FUT9: variants seen among roughly 807,000 people sequenced by gnomAD.
FUT9 encodes fucosyltransferase 9.
FUT9 carries 15 observed loss-of-function variants against 29.7 expected under a neutral mutation model. That is an observed-to-expected ratio of 0.51 (90% CI 0.34 to 0.78). FUT9 has a LOEUF of 0.78. FUT9 is among the 30% of genes least tolerant of loss of function. The pLI is 0.01. For synonymous variants in FUT9, 169 were observed against 153.7 expected, an observed-to-expected ratio of 1.10 and a Z score of -0.74; for missense variants, 319 against 425.4, an observed-to-expected ratio of 0.75 and a Z score of 2.20.
intron 2 of FUT9, among the ~76,000 whole-genome samples, chr6:96,124,108 T>G (rs1441136257): frequency 6.6e-6 from 1 of 152,020 alleles, no homozygotes; most frequent in Non-Finnish European, 1.5e-5. Context: ...TGTCTGCTTA[T>G]TAAACATTTT....
At chr6:96,108,720 C>T (rs1204477871) in intron 1 of FUT9, among the ~76,000 whole-genome samples, 1 of 152,104 alleles carries the variant, frequency 6.6e-6, no homozygotes, top group Non-Finnish European at 1.5e-5. Flanking sequence ...TGCTGAAGTG[C>T]CTTGTCGTTA....
At chr6:96,168,626 G>T (rs936303804) in intron 2 of FUT9, among the ~76,000 whole-genome samples, 1 of 152,162 alleles carries the variant, frequency 6.6e-6, no homozygotes. Context: ...TGATTAGAAG[G>T]TATGTAATAG....
At chr6:96,065,488 C>T (rs561542172) in intron 1 of FUT9, among the ~76,000 whole-genome samples, 38 of 152,170 alleles carry the variant, frequency 2.5e-4, no homozygotes, top group Non-Finnish European at 5.3e-4. Context: ...AAGTAATTGG[C>T]CATGTGGCTA....
At chr6:96,156,291 C>G (rs1772783057) in intron 2 of FUT9, among the ~76,000 whole-genome samples, 1 of 152,118 alleles carries the variant, frequency 6.6e-6, no homozygotes, top group Non-Finnish European at 1.5e-5. Flanking sequence ...CAACTTTTCC[C>G]CTTGGAGCCT....
intron 1 of FUT9, chr6:96,020,799 T>A (rs143344545): frequency 5.4e-4 from 82 of 152,258 alleles, no homozygotes; most frequent in African/African-American, 1.9e-3. Context: ...ATTCAAAAGC[T>A]GAGGCATTGA....
intron 2 of FUT9, among the ~76,000 whole-genome samples, chr6:96,129,309 G>A (rs1247550969): frequency 6.7e-6 from 1 of 149,390 alleles, no homozygotes; most frequent in East Asian, 2.0e-4. Context: ...ACCAGCCATG[G>A]TGGCATGTGC....
chr6:96,157,480 C>A (rs1322692871), intron 2 of FUT9, among the ~76,000 whole-genome samples: 2 of 152,090 alleles, frequency 1.3e-5, no homozygotes, highest in Admixed American at 6.6e-5. Flanking sequence ...TTAGAGTGAA[C>A]AATACTCCTG....
intron 1 of FUT9, among the ~76,000 whole-genome samples, chr6:96,035,116 A>G (rs994716074): frequency 6.6e-5 from 10 of 151,770 alleles, no homozygotes; most frequent in Admixed American, 5.9e-4. Flanking sequence ...ATTAGAAAAA[A>G]TGATATAATT....
At chr6:96,113,590 T>G (rs1771851551) in intron 1 of FUT9, among the ~76,000 whole-genome samples, 1 of 148,302 alleles carries the variant, frequency 6.7e-6, no homozygotes, top group Non-Finnish European at 1.5e-5. Flanking sequence ...GTGCGGTGGC[T>G]CACGCCTGTA....
intron 1 of FUT9, among the ~76,000 whole-genome samples, chr6:96,106,597 T>C (rs1489836633): frequency 1.3e-5 from 2 of 152,158 alleles, no homozygotes; most frequent in East Asian, 3.9e-4. Context: ...GATTTTAACA[T>C]GTAAGATGAG....
intron 2 of FUT9, among the ~76,000 whole-genome samples, chr6:96,119,638 A>G (rs1337293293): frequency 6.7e-6 from 1 of 150,082 alleles, no homozygotes; most frequent in Admixed American, 6.9e-5. Context: ...GAGGAAATAA[A>G]GTCATTTTAT....
chr6:96,100,612 A>G (rs1279272442), intron 1 of FUT9, among the ~76,000 whole-genome samples: 1 of 152,204 alleles, frequency 6.6e-6, no homozygotes, highest in Admixed American at 6.5e-5. Flanking sequence ...ATTTTGGGAA[A>G]TGGAGAACAG....
chr6:96,186,949 G>A (rs1346747491), intron 2 of FUT9, among the ~76,000 whole-genome samples: 1 of 152,098 alleles, frequency 6.6e-6, no homozygotes. Context: ...CACTCTCACA[G>A]ACACACCCAG....
At chr6:96,202,369 G>T (rs564612638) in intron 2 of FUT9, among the ~76,000 whole-genome samples, 75 of 152,042 alleles carry the variant, frequency 4.9e-4, no homozygotes, top group African/African-American at 1.8e-3. Flanking sequence ...CTTTTTTAAA[G>T]CCCTTAGGCT....
At chr6:96,037,960 T>C (rs1261229861) in intron 1 of FUT9, among the ~76,000 whole-genome samples, 1 of 151,346 alleles carries the variant, frequency 6.6e-6, no homozygotes, top group Admixed American at 6.6e-5. Flanking sequence ...TCCAGACAAG[T>C]GAGCTAACTT....
chr6:96,208,115 A>C lies in FUT9; in HGVS notation c.*3880A>C, dbSNP rs1422823088. The C allele has an allele frequency of 1.2e-5, 2 of 166,962 alleles. No individual in the cohort carries two copies. Among genetic ancestry groups the C allele is most frequent in the African/African-American group, 4.8e-5 (2 of 41,438 alleles). The allele number at this position is 166,962 out of a possible 1,614,324, so 10.3% of individuals were successfully genotyped here. On this transcript the variant is annotated 3_prime_UTR_variant, in exon 3 of 3. Transcript: ENST00000302103. ...GAAAGCTCAGCGCATTTGATGTATA[A>C]AGCAACAGAATATTTAGGAATTATT...
At chr6:96,182,908 G>T (rs1172362193) in intron 2 of FUT9, among the ~76,000 whole-genome samples, 1 of 151,910 alleles carries the variant, frequency 6.6e-6, no homozygotes, top group African/African-American at 2.4e-5. Flanking sequence ...GCTTAGTCTT[G>T]CTTCCGCTAT....
chr6:96,165,805 G>A (rs1439355991), intron 2 of FUT9, among the ~76,000 whole-genome samples: 1 of 151,966 alleles, frequency 6.6e-6, no homozygotes, highest in Non-Finnish European at 1.5e-5. Flanking sequence ...TAGTCGAGAC[G>A]GAGTTTTGCC....
chr6:96,116,337 C>A (rs2127962814), intron 2 of FUT9, among the ~76,000 whole-genome samples: 1 of 152,212 alleles, frequency 6.6e-6, no homozygotes, highest in African/African-American at 2.4e-5. Flanking sequence ...TTACTGTTGG[C>A]AATTCAAAAT....
Sources: gnomAD v4.1 joint callset for allele counts (sites outside exome capture counted in the v4.1 genomes callset) on GRCh38, gnomAD v4.1.1 for gene constraint, MANE v1.5 for transcripts, NCBI Gene and HGNC (gene_info 2026-07-23, HGNC 2026-07-21) for gene names.